The following MYOM1 variants were observed in gnomAD, a reference collection of about 807,000 sequenced individuals.
The protein encoded by MYOM1 is myomesin 1, also known as myomesin-1.
A neutral mutation model predicts 205.3 loss-of-function variants in MYOM1; 164 were observed. The ratio of observed to expected loss-of-function variants is 0.80; its 90% CI spans 0.70 to 0.91. MYOM1 has a LOEUF of 0.91. Among genes scored for constraint, MYOM1 ranks in the 40% least tolerant of loss-of-function variants. MYOM1 has a pLI of 0.00. For missense variants in MYOM1, 2,011 were observed against 2,127.3 expected (o/e 0.95, Z 1.08); for synonymous variants, 772 against 789.4 (o/e 0.98, Z 0.37).
intron 2 of MYOM1, among the ~76,000 whole-genome samples, chr18:3,195,873 A>G (rs897231070): frequency 2.6e-5 from 4 of 152,052 alleles, no homozygotes; most frequent in Non-Finnish European, 4.4e-5. Context: ...TGTCCTTCCA[A>G]TGTAAGAGCT....
chr18:3,072,699 T>TGG (rs202139421), intron 36 of MYOM1, among the ~76,000 whole-genome samples: 142 of 151,168 alleles, frequency 9.4e-4, no homozygotes, highest in African/African-American at 2.8e-3. Context: ...TGTGTGTGTG[T>TGG]GGGGGGCGGT....
chr18:3,173,797 A>T, intron 8 of MYOM1, 141 bp downstream of exon 8: 2 of 670,800 alleles, frequency 3.0e-6, no homozygotes, highest in Non-Finnish European at 4.8e-6. Context: ...AAGTAAATAA[A>T]ATAACCACAG....
Position 3,149,173 on chromosome 18 carries a change from C to A in MYOM1, c.1872G>T (p.Gln624His), listed in dbSNP as rs771542759. The A allele has an allele frequency of 3.7e-6, 6 of 1,613,932 alleles. No individual in the cohort carries two copies. The South Asian group carries it at 6.6e-5, about 18-fold the overall frequency. ...KSRPSAPWTG[Q>H]IIVTEEEPSE... The stretch of plus-strand genomic sequence containing the variant: ...AAGGTTCCTCTTCAGTAACAATGAT[C>A]TGTCCAGTCCAGGGTGCTGAGGGGC... Residue 624 changes from glutamine to histidine, a missense_variant, in exon 13 of 38, where the codon CAG becomes CAT. Gln to His is a conservative substitution (Grantham distance 24, BLOSUM62 0). Coordinates refer to ENST00000356443, the MANE Select transcript of MYOM1 (RefSeq NM_003803.4).
At chr18:3,177,082 C>T (rs7504841) in intron 5 of MYOM1, among the ~76,000 whole-genome samples, 28,383 of 151,738 alleles carry the variant, frequency 0.19, 3,264 homozygotes, top group Non-Finnish European at 0.26. Context: ...CCTGAATCTA[C>T]AAAAACTACA....
chr18:3,237,598 CAAAAAAAAAAA>C, the MYOM1 span, among the ~76,000 whole-genome samples: 1 of 53,608 alleles, frequency 1.9e-5, no homozygotes, highest in Non-Finnish European at 3.4e-5. Flanking sequence ...GACTCCGTCT[CAAAAAAAAAAA>C]AAAAAAAAAA....
At chr18:3,111,240 C>G (rs1034865427) in intron 22 of MYOM1, among the ~76,000 whole-genome samples, 2 of 149,532 alleles carry the variant, frequency 1.3e-5, no homozygotes, top group African/African-American at 5.0e-5. Context: ...CAGTGCCTGG[C>G]CTCCGGTGCT....
chr18:3,098,978 C>T (rs777514409), intron 25 of MYOM1, among the ~76,000 whole-genome samples: 10 of 152,052 alleles, frequency 6.6e-5, no homozygotes, highest in Admixed American at 1.3e-4. Context: ...TTTAGAGATA[C>T]GGACTCGCTC....
At chr18:3,068,768 G>A (rs989055571) in intron 37 of MYOM1, among the ~76,000 whole-genome samples, 2 of 152,128 alleles carry the variant, frequency 1.3e-5, no homozygotes, top group Non-Finnish European at 2.9e-5. Context: ...ATGCCCGTAA[G>A]GGTCATCTGA....
intron 25 of MYOM1, among the ~76,000 whole-genome samples, chr18:3,096,978 T>C (rs571974571): frequency 1.4e-4 from 22 of 152,210 alleles, no homozygotes; most frequent in Non-Finnish European, 3.1e-4. Context: ...TTAGGCTCTT[T>C]TCTCTGGCAG....
chr18:3,135,167 C>T lies in MYOM1; in HGVS notation c.2210-343G>A, dbSNP rs2079937617. 3.3e-6 allele frequency: 1 copy of T among 304,242 alleles called. No individual in the cohort carries two copies. The highest frequency in any genetic ancestry group is 8.0e-5 in the East Asian group (1 of 12,510). The allele number at this position is 304,242 out of a possible 1,614,324, so 18.8% of individuals were successfully genotyped here. A position where few individuals can be genotyped will look rare whatever the true frequency, so the allele number is the denominator to read the frequency against. ...GTTTCACCATGTTGGCCAGGCTGGT[C>T]TCAAACTCTTGGACTCAGGTGATCT... On this transcript the variant is annotated intron_variant, in intron 15 of 37. Transcript: ENST00000356443. This position sits in a 1 kb window ranked among gnomAD's most constrained non-coding sequence, Gnocchi z 4.1.
intron 33 of MYOM1, among the ~76,000 whole-genome samples, chr18:3,083,482 A>G (rs1186858221): frequency 8.8e-5 from 11 of 124,564 alleles, no homozygotes; most frequent in African/African-American, 3.3e-4. Flanking sequence ...AGGCTGAAGT[A>G]CAGTGGTGCA....
At chr18:3,223,742 C>A (rs2081341145), upstream of MYOM1, among the ~76,000 whole-genome samples, 2 of 152,240 alleles carry the variant, frequency 1.3e-5, no homozygotes, top group South Asian at 4.1e-4. Context: ...GATCCAAAAA[C>A]TCTGCTTCTA....
At chr18:3,077,120 C>G (rs1309202696) in intron 34 of MYOM1, among the ~76,000 whole-genome samples, 1 of 151,974 alleles carries the variant, frequency 6.6e-6, no homozygotes, top group Non-Finnish European at 1.5e-5. Context: ...TCACATGATC[C>G]TCTTACCTCT....
At chr18:3,075,402 T>C (rs560298902) in intron 36 of MYOM1, 52 bp downstream of exon 36, 1 of 1,542,448 alleles carries the variant, frequency 6.5e-7, no homozygotes, top group African/African-American at 1.4e-5. Flanking sequence ...AAAATTATCT[T>C]TTGAATCTAT....
chr18:3,127,574 GC>G (rs1415088535), intron 18 of MYOM1, among the ~76,000 whole-genome samples: 2 of 151,838 alleles, frequency 1.3e-5, no homozygotes, highest in Non-Finnish European at 2.9e-5. Context: ...CTCCCAAAGT[GC>G]TGGGATTACA....
intron 21 of MYOM1, among the ~76,000 whole-genome samples, chr18:3,113,530 T>A (rs9652916): frequency 0.87 from 132,334 of 151,666 alleles, 58,248 homozygotes; most frequent in East Asian, 0.97. Context: ...ACGGGATTTC[T>A]CCATGTTGCC....
chr18:3,163,432 C>A (rs771027427), intron 10 of MYOM1, among the ~76,000 whole-genome samples: 33 of 151,878 alleles, frequency 2.2e-4, no homozygotes, highest in Non-Finnish European at 4.1e-4. Flanking sequence ...CAGGGCTCAC[C>A]TTTTACACTA....
the MYOM1 span, among the ~76,000 whole-genome samples, chr18:3,243,335 G>C: frequency 6.6e-6 from 1 of 152,184 alleles, no homozygotes. Context: ...TGTAAGCCAT[G>C]TCCCTTAACA....
At chr18:3,097,617 G>C (rs1334346316) in intron 25 of MYOM1, among the ~76,000 whole-genome samples, 1 of 151,840 alleles carries the variant, frequency 6.6e-6, no homozygotes, top group Non-Finnish European at 1.5e-5. Flanking sequence ...ATGTTGACCA[G>C]GCTGGTCTTG....
Sources: allele counts gnomAD v4.1 joint callset (sites outside exome capture counted in the v4.1 genomes callset), GRCh38; gene constraint gnomAD v4.1.1; non-coding constraint Gnocchi (gnomAD v3.1); transcripts MANE v1.5; gene names NCBI Gene and HGNC (gene_info 2026-07-23, HGNC 2026-07-21).